Variants in MAX observed in about 807,000 individuals in gnomAD.
MAX encodes the protein protein max.
In MAX, 3 loss-of-function variants were observed where a neutral mutation model predicts 22.3. That is an observed-to-expected ratio of 0.13 (90% CI 0.06 to 0.35). The LOEUF (loss-of-function observed/expected upper bound fraction) is 0.35. MAX is among the 10% of genes least tolerant of loss of function. The pLI, the probability that MAX is intolerant of heterozygous loss-of-function variation, is 1.00. For synonymous variants in MAX, 72 were observed against 77.7 expected, an observed-to-expected ratio of 0.93 and a Z score of 0.39; for missense variants, 119 against 209.4, an observed-to-expected ratio of 0.57 and a Z score of 2.66.
At chr14:65,087,579 G>GC (rs1370050874) in intron 3 of MAX, among the ~76,000 whole-genome samples, 3 of 152,136 alleles carry the variant, frequency 2.0e-5, no homozygotes, top group Non-Finnish European at 4.4e-5. Context: ...GAGGCCTGTA[G>GC]CCCCTTTTTT....
intron 3 of MAX, among the ~76,000 whole-genome samples, chr14:65,015,050 T>A (rs2061744144): frequency 6.6e-6 from 1 of 152,022 alleles, no homozygotes; most frequent in Non-Finnish European, 1.5e-5. Context: ...CAGGGAGGGA[T>A]CCACTGGGTT....
chr14:65,065,648 C>T (rs538142267), intron 3 of MAX, among the ~76,000 whole-genome samples: 9 of 152,268 alleles, frequency 5.9e-5, no homozygotes, highest in East Asian at 5.8e-4. Flanking sequence ...TATGATCTCA[C>T]GGGACCACTG....
chr14:65,050,417 C>G (rs2062580009), intron 3 of MAX, among the ~76,000 whole-genome samples: 1 of 152,088 alleles, frequency 6.6e-6, no homozygotes, highest in African/African-American at 2.4e-5. Flanking sequence ...ATAGTGAAAC[C>G]CTGTCTCTAC....
In MAX at chr14:65,102,355, G is replaced by T; in HGVS notation, c.-16C>A. ...TATCGCTCATTTCCTACGGCCCAGG[G>T]AGCGGCCACTGCAGCGGCGGCGGGG... On this transcript the variant is annotated 5_prime_UTR_variant, in exon 1 of 5. Coordinates refer to ENST00000358664, the MANE Select transcript of MAX (RefSeq NM_002382.5). The T allele has an allele frequency of 6.2e-7, 1 of 1,613,530 alleles. No homozygotes were observed. Among genetic ancestry groups the T allele is most frequent in the Admixed American group, 1.7e-5 (1 of 59,996 alleles).
At chr14:65,098,046 C>T (rs1454633484) in intron 2 of MAX, among the ~76,000 whole-genome samples, 1 of 152,170 alleles carries the variant, frequency 6.6e-6, no homozygotes, top group Admixed American at 6.5e-5. Context: ...GAGAAGGATG[C>T]CTTGGTCAGG....
intron 3 of MAX, among the ~76,000 whole-genome samples, chr14:65,010,505 G>T (rs1477850374): frequency 2.0e-5 from 3 of 152,164 alleles, no homozygotes; most frequent in Non-Finnish European, 4.4e-5. Flanking sequence ...ACTAGTTCGG[G>T]CCCTAAGTAG....
At chr14:65,081,281 GA>G (rs1404469100) in intron 3 of MAX, among the ~76,000 whole-genome samples, 7 of 152,058 alleles carry the variant, frequency 4.6e-5, no homozygotes, top group Non-Finnish European at 1.0e-4. Flanking sequence ...GGCCCAACAA[GA>G]AAAAAATTTA....
In MAX at chr14:65,018,484, T is replaced by A. The variant is rs370746380; in HGVS notation, c.172-12200A>T. ...GAACCAGAAAGATACATGTAGTAGT[T>A]ATTTCTGGACGATGGGGTTAAAAGT... is the stretch of plus-strand genomic sequence containing the variant. On this transcript the variant is annotated intron_variant, in intron 3 of 3. Coordinates refer to the MAX transcript ENST00000341653. Among the ~76,000 whole-genome samples, 185 of 152,284 alleles carry A rather than the reference T, an allele frequency of 1.2e-3. 1 individual carries two copies. The highest frequency in any genetic ancestry group is 4.0e-3 in the African/African-American group (168 of 41,572).
At position 65,077,477 on chromosome 14, in the gene MAX, C is replaced by A. The variant is rs1328694271; in HGVS notation, c.295+436G>T. 1.6e-6 allele frequency: 2 copies of A among 1,258,408 alleles called. No homozygotes were observed. Among genetic ancestry groups the A allele is most frequent in the Admixed American group, 3.4e-5 (2 of 59,624 alleles). 78.0% of individuals were successfully genotyped at this position (1,258,408 alleles called of 1,614,324 possible). A position where few individuals can be genotyped will look rare whatever the true frequency, so the allele number is the denominator to read the frequency against. ...TGTGAGCATTGAGAACAGCATGGGC[C>A]TAGCCCATAGGCTGCCCTGATTGGA... On this transcript the variant is annotated intron_variant, in intron 4 of 4. Coordinates refer to ENST00000358664, the MANE Select transcript of MAX (RefSeq NM_002382.5). This position sits in a 1 kb window ranked among gnomAD's most constrained non-coding sequence, Gnocchi z 6.3.
intron 3 of MAX, among the ~76,000 whole-genome samples, chr14:65,049,828 C>T (rs1035710457): frequency 6.6e-6 from 1 of 152,036 alleles, no homozygotes; most frequent in Non-Finnish European, 1.5e-5. Context: ...TACCACACAA[C>T]TTACCTATTC....
At chr14:65,041,780 C>T (rs2062359963) in intron 3 of MAX, among the ~76,000 whole-genome samples, 1 of 152,172 alleles carries the variant, frequency 6.6e-6, no homozygotes, top group African/African-American at 2.4e-5. Context: ...CATGCTGAAA[C>T]AGCCAACTTT....
At chr14:65,085,418 A>C (rs2063305509) in intron 3 of MAX, among the ~76,000 whole-genome samples, 1 of 152,230 alleles carries the variant, frequency 6.6e-6, no homozygotes, top group South Asian at 2.1e-4. Flanking sequence ...AAAATGCTAA[A>C]GGCAAGGCCT....
intron 3 of MAX, among the ~76,000 whole-genome samples, chr14:65,010,964 A>C (rs1193025285): frequency 6.6e-6 from 1 of 152,178 alleles, no homozygotes; most frequent in African/African-American, 2.4e-5. Flanking sequence ...CACTCATCGC[A>C]CATTCCTCCT....
intron 3 of MAX, among the ~76,000 whole-genome samples, chr14:65,008,881 C>T (rs537024112): frequency 1.6e-4 from 24 of 152,178 alleles, no homozygotes; most frequent in Non-Finnish European, 2.5e-4. Flanking sequence ...ACAGTGGAAA[C>T]CTGACTTCCC....
At chr14:65,019,435 C>T (rs1234830913) in intron 3 of MAX, among the ~76,000 whole-genome samples, 3 of 151,794 alleles carry the variant, frequency 2.0e-5, no homozygotes, top group Non-Finnish European at 2.9e-5. Context: ...TGCAGTGAGC[C>T]GAGATCACAC....
intron 3 of MAX, among the ~76,000 whole-genome samples, chr14:65,037,768 A>T (rs1158478705): frequency 2.8e-5 from 4 of 140,844 alleles, no homozygotes; most frequent in South Asian, 2.2e-4. Flanking sequence ...TTATTTATTT[A>T]TTTATTTATT....
Position 65,021,397 on chromosome 14 carries a change from C to A in MAX, c.172-15113G>T, listed in dbSNP as rs563489292. Among the ~76,000 whole-genome samples the A allele has an allele frequency of 3.5e-4, 53 of 152,274 alleles. 1 individual carries two copies. The highest frequency in any genetic ancestry group is 3.4e-3 in the Middle Eastern group (1 of 294). The stretch of plus-strand genomic sequence containing the variant: ...TTCCCTTTCAAAAGGTTGTTAGTAG[C>A]TTATCCCCGGAATAGCCCCTTAAAT... On this transcript the variant is annotated intron_variant, in intron 3 of 3. Transcript: ENST00000341653.
intron 3 of MAX, chr14:65,015,810 A>G (rs2061763216): frequency 7.2e-7 from 1 of 1,392,102 alleles, no homozygotes; most frequent in South Asian, 1.2e-5. Context: ...TTTGGAATGG[A>G]AAAAAACAGT....
downstream of MAX, among the ~76,000 whole-genome samples, chr14:65,074,074 C>G (rs116722539): frequency 5.8e-3 from 880 of 152,310 alleles, 7 homozygotes; most frequent in African/African-American, 0.02. Flanking sequence ...GCTTCACATG[C>G]CTTCCATCTC....
Sources: allele counts gnomAD v4.1 joint callset (sites outside exome capture counted in the v4.1 genomes callset), GRCh38; gene constraint gnomAD v4.1.1; non-coding constraint Gnocchi (gnomAD v3.1); transcripts MANE v1.5; gene names NCBI Gene and HGNC (gene_info 2026-07-23, HGNC 2026-07-21).